TMX4: variants seen among roughly 807,000 people sequenced by gnomAD.
TMX4 encodes thioredoxin related transmembrane protein 4.
Under a neutral mutation model 33.3 loss-of-function variants are expected in TMX4, and 23 were observed. That is an observed-to-expected ratio of 0.69 (90% confidence interval 0.50 to 0.98). TMX4 has a LOEUF of 0.98. TMX4 is among the 50% of genes least tolerant of loss of function. The probability of loss-of-function intolerance (pLI) is 0.00; values close to 1 mark genes in which losing one functional copy is unlikely to be tolerated. For synonymous variants in TMX4, 164 were observed against 161.5 expected, an observed-to-expected ratio of 1.02 and a Z score of -0.12; for missense variants, 399 against 448.9, an observed-to-expected ratio of 0.89 and a Z score of 1.01.
At chr20:7,997,044 C>T (rs557499375) in intron 4 of TMX4, among the ~76,000 whole-genome samples, 11 of 152,266 alleles carry the variant, frequency 7.2e-5, no homozygotes, top group Admixed American at 5.2e-4. Context: ...CAAGAGACTA[C>T]GCCCTTCTTC....
chr20:7,981,175 C>T lies in TMX4; in HGVS notation c.*1076G>A, dbSNP rs931851301. ...GATGGAAACAAAATCAAATCTTTCA[C>T]TTTCAGGTACTGGAGTTCATTAATT... On this transcript the variant is annotated 3_prime_UTR_variant, in exon 8 of 8. Coordinates refer to ENST00000246024, the MANE Select transcript of TMX4 (RefSeq NM_021156.4). 2 of 152,036 alleles carry T rather than the reference C, an allele frequency of 1.3e-5. No individual in the cohort carries two copies. The highest frequency in any genetic ancestry group is 4.8e-5 in the African/African-American group (2 of 41,394). The allele number at this position is 152,036 out of a possible 1,614,324, so 9.4% of individuals were successfully genotyped here. A position where few individuals can be genotyped will look rare whatever the true frequency, so the allele number is the denominator to read the frequency against.
rs527982659 is a variant in TMX4 at position 7,991,464 on chromosome 20, C to T, written c.514-4075G>A. On this transcript the variant is annotated intron_variant, in intron 5 of 7. Transcript: ENST00000246024. ...TTTTGCATTACACTTACCAGGTGAACATCACAAATCCAAAAATCGGAAATT... is the reference window on the plus strand; with the variant it reads ...TTTTGCATTACACTTACCAGGTGAATATCACAAATCCAAAAATCGGAAATT... 9.2e-5 allele frequency among the ~76,000 whole-genome samples: 14 copies of T among 152,282 alleles called. No individual in the cohort carries two copies. In the South Asian group the frequency reaches 2.9e-3, roughly 32 times the overall value.
At chr20:8,006,759 T>TG (rs1491544309) in intron 2 of TMX4, among the ~76,000 whole-genome samples, 1 of 102,436 alleles carries the variant, frequency 9.8e-6, no homozygotes, top group South Asian at 3.1e-4. Flanking sequence ...AACTTCTTCT[T>TG]CTTTTTTTTT....
chr20:7,990,883 A>G (rs1365184067), intron 5 of TMX4, among the ~76,000 whole-genome samples: 1 of 152,256 alleles, frequency 6.6e-6, no homozygotes, highest in Non-Finnish European at 1.5e-5. Flanking sequence ...GTAACAAAAC[A>G]TAACCTTGCA....
chr20:8,000,063 C>T (rs955350296), intron 3 of TMX4, among the ~76,000 whole-genome samples: 1 of 152,106 alleles, frequency 6.6e-6, no homozygotes, highest in African/African-American at 2.4e-5. Flanking sequence ...AAAGCGTTAA[C>T]ATTCTATGTT....
rs1568532652 is a variant in TMX4, at chr20:7,982,625, T to C, written c.680-4A>G. The C allele has an allele frequency of 3.1e-6, 5 of 1,604,992 alleles. No individual in the cohort carries two copies. In the Admixed American group the frequency reaches 5.1e-5, roughly 16 times the overall value. On this transcript the variant is annotated splice_polypyrimidine_tract_variant and splice_region_variant and intron_variant, in intron 7 of 7. Transcript: ENST00000246024. ...TCCTCTGATCTCCGATTCTGCTCTA[T>C]GGAGGGAAGAAAGAGGAATATCCTC...
intron 1 of TMX4, chr20:8,013,833 T>G (rs1220167410): frequency 1.3e-5 from 2 of 152,194 alleles, no homozygotes; most frequent in African/African-American, 4.8e-5. Flanking sequence ...TACACTCTCT[T>G]TTCTCCTGAC....
intron 1 of TMX4, among the ~76,000 whole-genome samples, chr20:8,012,433 A>ACTTTGT (rs975982946): frequency 1.7e-4 from 26 of 152,242 alleles, no homozygotes; most frequent in African/African-American, 6.0e-4. Context: ...TTACAGCCTC[A>ACTTTGT]CTGCCAAACA....
chr20:8,013,239 C>G (rs6038999), intron 1 of TMX4, among the ~76,000 whole-genome samples: 37,485 of 151,972 alleles, frequency 0.25, 5,552 homozygotes, highest in South Asian at 0.41. Context: ...CAAACTAGTT[C>G]ACACTGGCAA....
At position 8,019,156 on chromosome 20, in the gene TMX4, C is replaced by T. The variant is rs368191610; in HGVS notation, c.176+282G>A. Reference sequence around the variant, plus strand: ...AAAGCAAGGGGACGCGCTGCACCCTCGGCTGTCACCGCGAGGGCTCGGCGC... The same window carrying T: ...AAAGCAAGGGGACGCGCTGCACCCTTGGCTGTCACCGCGAGGGCTCGGCGC... On this transcript the variant is annotated intron_variant, in intron 1 of 7. Transcript: ENST00000246024. 875 of 473,722 alleles carry T rather than the reference C, an allele frequency of 1.8e-3. 8 individuals carry two copies. The highest frequency in any genetic ancestry group is 0.013 in the African/African-American group (621 of 48,170). The allele number at this position is 473,722 out of a possible 1,614,324, so 29.3% of individuals were successfully genotyped here.
In TMX4 at chr20:7,978,197, G is replaced by C. The variant is rs2122844160; in HGVS notation, c.*4054C>G. 2 of 152,262 alleles carry C rather than the reference G, an allele frequency of 1.3e-5. No homozygotes were observed. Among genetic ancestry groups the C allele is most frequent in the Middle Eastern group, 6.8e-3 (2 of 292 alleles). The allele number at this position is 152,262 out of a possible 1,614,324, so 9.4% of individuals were successfully genotyped here. On this transcript the variant is annotated 3_prime_UTR_variant, in exon 8 of 8. Coordinates refer to ENST00000246024, the MANE Select transcript of TMX4 (RefSeq NM_021156.4). Reference sequence around the variant, plus strand: ...AAATAACACTGTAACACCAAGATGAGGGACACAGATAACCTATTGATACGA... The same window carrying C: ...AAATAACACTGTAACACCAAGATGACGGACACAGATAACCTATTGATACGA...
rs1026505818 is a variant in TMX4, at chr20:7,982,098, T to C, written c.*153A>G. 15 of 727,300 alleles carry C rather than the reference T, an allele frequency of 2.1e-5. No homozygotes were observed. The African/African-American group carries it at 2.3e-4, about 11-fold the overall frequency. The allele number at this position is 727,300 out of a possible 1,614,324, so 45.1% of individuals were successfully genotyped here. A position where few individuals can be genotyped will look rare whatever the true frequency, so the allele number is the denominator to read the frequency against. Reference sequence around the variant, plus strand: ...CCTGGAAGACTCTCCTTAGTATACATGAGGCTTACTGCCATGAGACCAAAT... The same window carrying C: ...CCTGGAAGACTCTCCTTAGTATACACGAGGCTTACTGCCATGAGACCAAAT... On this transcript the variant is annotated 3_prime_UTR_variant, in exon 8 of 8. Coordinates refer to ENST00000246024, the MANE Select transcript of TMX4 (RefSeq NM_021156.4).
chr20:8,013,637 G>GA (rs1419508594), intron 1 of TMX4: 14 of 152,136 alleles, frequency 9.2e-5, no homozygotes, highest in Admixed American at 2.0e-4. Context: ...GAAGGACCTT[G>GA]AATCTTTTAT....
At chr20:8,008,270 T>TA (rs2050738728) in intron 2 of TMX4, among the ~76,000 whole-genome samples, 1 of 152,132 alleles carries the variant, frequency 6.6e-6, no homozygotes, top group South Asian at 2.1e-4. Context: ...CCTCTGCCTA[T>TA]AAAAAATTGT....
chr20:7,990,079 G>A (rs1338485081), intron 5 of TMX4, among the ~76,000 whole-genome samples: 1 of 152,022 alleles, frequency 6.6e-6, no homozygotes, highest in Non-Finnish European at 1.5e-5. Flanking sequence ...GGTGAATCAC[G>A]AGGTCAGGAG....
At chr20:8,011,885 A>G (rs1350553951) in intron 1 of TMX4, among the ~76,000 whole-genome samples, 2 of 152,176 alleles carry the variant, frequency 1.3e-5, no homozygotes, top group Non-Finnish European at 2.9e-5. Context: ...ATCTGCTGAC[A>G]TCTTTGAATG....
chr20:7,999,862 T>C lies in TMX4; in HGVS notation c.339-2A>G. 6.3e-7 allele frequency: 1 copy of C among 1,599,710 alleles called. No homozygotes were observed. ...CGGCGGAATATCCCATCCTTTGCAC[T>C]ATAAATTATGAAAACAAGTAGAAAG... On this transcript the variant is annotated splice_acceptor_variant, in intron 3 of 7. Coordinates refer to ENST00000246024, the MANE Select transcript of TMX4 (RefSeq NM_021156.4). LOFTEE classifies it high-confidence loss of function.
At chr20:8,018,481 GGAGAGAGAGAGAGAGAGA>G (rs1156723197) in intron 1 of TMX4, among the ~76,000 whole-genome samples, 4 of 13,724 alleles carry the variant, frequency 2.9e-4, no homozygotes, top group Non-Finnish European at 4.6e-4. Flanking sequence ...GGAGGGAGGG[GGAGAGAGAGAGAGAGAGA>G]GAGAGAGAGA....
chr20:7,987,082 T>C (rs1011344659), intron 6 of TMX4, among the ~76,000 whole-genome samples: 7 of 151,590 alleles, frequency 4.6e-5, no homozygotes, highest in Non-Finnish European at 7.4e-5. Flanking sequence ...ACTTAAGGGA[T>C]AGGATTAGGG....
Sources: allele counts gnomAD v4.1 joint callset (sites outside exome capture counted in the v4.1 genomes callset), GRCh38; gene constraint gnomAD v4.1.1; transcripts MANE v1.5; gene names NCBI Gene and HGNC (gene_info 2026-07-23, HGNC 2026-07-21).